The following USP25 variants were observed in gnomAD, a reference collection of about 807,000 sequenced individuals.
USP25 encodes ubiquitin carboxyl-terminal hydrolase 25.
USP25 carries 85 observed loss-of-function variants against 158.5 expected under a neutral mutation model. The observed-to-expected ratio is 0.54, with a 90% CI of 0.45 to 0.64. The LOEUF is 0.64. Ranked by LOEUF, USP25 falls within the 30% of genes least tolerant of loss-of-function variation. The probability of loss-of-function intolerance (pLI) is 0.00; values close to 1 mark genes in which losing one functional copy is unlikely to be tolerated. For synonymous variants in USP25, 464 were observed against 460.4 expected (o/e 1.01, Z -0.10); for missense variants, 1,242 against 1,327.3 (o/e 0.94, Z 1.00).
At position 15,765,998 on chromosome 21, in the gene USP25, A is replaced by G; in HGVS notation, c.125A>G (p.Asp42Gly). The G allele has an allele frequency of 6.2e-7, 1 of 1,601,218 alleles. No homozygotes were observed. The highest frequency in any genetic ancestry group is 2.2e-5 in the East Asian group (1 of 44,584). ...DTQILQQALKDSNGNLELAVA... is the reference protein window; with the variant it reads ...DTQILQQALKGSNGNLELAVA... ...ATACTCCTTTCTTGATATTTGAAGG[A>G]TAGTAATGGAAACTTGGAATTAGCA... The change falls in exon 3 of 26, where the codon GAT (aspartate) becomes GGT (glycine). Residue 42 changes from aspartate to glycine, a missense_variant and splice_region_variant. By Grantham distance (94) the Asp-to-Gly change is moderately conservative (BLOSUM62 -1). Around this residue, in one of 3 missense-constraint regions of USP25, gnomAD observed 627 missense variants for 701.4 expected, o/e 0.89. Coordinates refer to ENST00000400183, the MANE Select transcript of USP25 (RefSeq NM_001283041.3).
At chr21:15,808,468 A>G (rs1197608660) in intron 7 of USP25, among the ~76,000 whole-genome samples, 1 of 152,192 alleles carries the variant, frequency 6.6e-6, no homozygotes, top group African/African-American at 2.4e-5. Flanking sequence ...TTCATTTTAT[A>G]AAGATTCATT....
At position 15,864,460 on chromosome 21, in the gene USP25, A is replaced by G. The variant is rs754842925; in HGVS notation, c.2726+14A>G. The G allele has an allele frequency of 1.3e-6, 2 of 1,578,052 alleles. No homozygotes were observed. The highest frequency in any genetic ancestry group is 1.4e-5 in the African/African-American group (1 of 72,660). The stretch of plus-strand genomic sequence containing the variant: ...TTTTGATGAAAGGTAATTTGAAAGT[A>G]TAAAATTCATATGCTCAAATCGTTC... On this transcript the variant is annotated intron_variant, in intron 21 of 25. Transcript: ENST00000400183.
chr21:15,832,707 A>G (rs2037862179), intron 16 of USP25, among the ~76,000 whole-genome samples: 1 of 149,972 alleles, frequency 6.7e-6, no homozygotes, highest in African/African-American at 2.5e-5. Context: ...GTATTACATC[A>G]CTGTTAGAGT....
chr21:15,851,589 A>G (rs1231480945), intron 20 of USP25, among the ~76,000 whole-genome samples: 3 of 152,010 alleles, frequency 2.0e-5, no homozygotes, highest in African/African-American at 4.8e-5. Context: ...TATGTATGCT[A>G]TATGTGATTG....
Position 15,797,393 on chromosome 21 carries a change from C to T in USP25, c.556-2364C>T, listed in dbSNP as rs541112610. ...AAGTTGCAAGGTGGAAAAAGATACA[C>T]GTATAAAGGAGCAAAAACAAGACTA... On this transcript the variant is annotated intron_variant, in intron 5 of 25. Coordinates refer to ENST00000400183, the MANE Select transcript of USP25 (RefSeq NM_001283041.3). 4.6e-5 allele frequency among the ~76,000 whole-genome samples: 7 copies of T among 151,420 alleles called. No homozygotes were observed. In the East Asian group the frequency reaches 7.8e-4, roughly 17 times the overall value.
intron 3 of USP25, among the ~76,000 whole-genome samples, chr21:15,771,177 TAAAC>T (rs996419903): frequency 2.6e-5 from 4 of 152,182 alleles, no homozygotes; most frequent in African/African-American, 9.7e-5. Flanking sequence ...CAGTACACAG[TAAAC>T]AAACAGTATC....
chr21:15,741,920 C>CT (rs888744052), intron 1 of USP25, among the ~76,000 whole-genome samples: 1 of 152,144 alleles, frequency 6.6e-6, no homozygotes, highest in African/African-American at 2.4e-5. Context: ...AAATTTATCT[C>CT]TTTAACAATT....
At chr21:15,860,318 A>T (rs2039370611) in intron 20 of USP25, among the ~76,000 whole-genome samples, 1 of 151,930 alleles carries the variant, frequency 6.6e-6, no homozygotes, top group Non-Finnish European at 1.5e-5. Context: ...ATGCCTGGCT[A>T]ATTTTTCCTA....
intron 1 of USP25, among the ~76,000 whole-genome samples, chr21:15,737,148 C>G (rs1183258659): frequency 1.3e-5 from 2 of 152,028 alleles, no homozygotes; most frequent in Non-Finnish European, 2.9e-5. Flanking sequence ...TATCTTTCTT[C>G]CTGGCTTCAA....
At chr21:15,773,273 AC>A (rs1279897986) in intron 3 of USP25, 1 of 152,258 alleles carries the variant, frequency 6.6e-6, no homozygotes, top group Admixed American at 6.5e-5. Flanking sequence ...ATTCTTTTAC[AC>A]CCATGTGAGG....
intron 7 of USP25, among the ~76,000 whole-genome samples, chr21:15,807,744 A>G (rs893817143): frequency 6.6e-6 from 1 of 152,204 alleles, no homozygotes; most frequent in Non-Finnish European, 1.5e-5. Flanking sequence ...GCCCTAATCC[A>G]GGCTGATCTC....
intron 3 of USP25, among the ~76,000 whole-genome samples, chr21:15,771,484 A>G (rs1408557929): frequency 2.0e-5 from 3 of 152,122 alleles, no homozygotes; most frequent in Non-Finnish European, 4.4e-5. Context: ...TGTGCGTCCC[A>G]GACCAGGGCC....
chr21:15,839,785 A>C (rs761397326), intron 17 of USP25, among the ~76,000 whole-genome samples: 16 of 152,060 alleles, frequency 1.1e-4, no homozygotes, highest in Non-Finnish European at 1.8e-4. Flanking sequence ...CCTGTGTTTC[A>C]TCTACACCAG....
At position 15,874,304 on chromosome 21, in the gene USP25, A is replaced by G; in HGVS notation, c.2886-99A>G. ...ATTTTTTATTATAATGTAGATTATC[A>G]AAACTTAAGCATATACTTAAAATGT... On this transcript the variant is annotated intron_variant, in intron 23 of 25. Transcript: ENST00000400183. 3 of 1,134,126 alleles carry G rather than the reference A, an allele frequency of 2.6e-6. No individual in the cohort carries two copies. The South Asian group carries it at 4.7e-5, about 18-fold the overall frequency. The allele number at this position is 1,134,126 out of a possible 1,614,324, so 70.3% of individuals were successfully genotyped here.
Position 15,833,494 on chromosome 21 carries a change from G to C in USP25, c.2140G>C (p.Glu714Gln), listed in dbSNP as rs1159501361. 3 of 1,614,020 alleles carry C rather than the reference G, an allele frequency of 1.9e-6. No homozygotes were observed. The highest frequency in any genetic ancestry group is 1.7e-6 in the Non-Finnish European group (2 of 1,179,964). The change falls in exon 17 of 26, where the codon GAA becomes CAA. Residue 714 changes from glutamate to glutamine, a missense_variant. Glu to Gln is a conservative substitution (Grantham distance 29, BLOSUM62 2). Transcript: ENST00000400183. ...ACAACTTGCCCAGAAAGCTTTGCAG[G>C]AAAAGCTTTTAGCGTCTCAGAAATT... is the stretch of plus-strand genomic sequence containing the variant. ...DAQLAQKALQ[E>Q]KLLASQKLRE...
At chr21:15,874,875 A>G (rs1054070089) in intron 24 of USP25, among the ~76,000 whole-genome samples, 1 of 152,208 alleles carries the variant, frequency 6.6e-6, no homozygotes, top group Admixed American at 6.5e-5. Context: ...GTAAGTCTAT[A>G]AGAATATGCA....
intron 11 of USP25, 27 bp downstream of exon 11, chr21:15,824,193 A>G (rs183198743): frequency 6.2e-7 from 1 of 1,604,492 alleles, no homozygotes; most frequent in Non-Finnish European, 8.5e-7. Context: ...TGCATGACTT[A>G]GTTTGAAACA....
chr21:15,751,225 TG>T (rs2032991457), intron 1 of USP25, among the ~76,000 whole-genome samples: 1 of 152,166 alleles, frequency 6.6e-6, no homozygotes, highest in Admixed American at 6.5e-5. Context: ...TTTATAGAAG[TG>T]CTGTAGCTTG....
chr21:15,781,625 G>A (rs572721822), intron 4 of USP25, among the ~76,000 whole-genome samples: 6 of 152,250 alleles, frequency 3.9e-5, no homozygotes, highest in South Asian at 4.2e-4. Flanking sequence ...GGAGCATAGA[G>A]TCAAGAATAG....
Sources: gnomAD v4.1 joint callset for allele counts (sites outside exome capture counted in the v4.1 genomes callset) on GRCh38, gnomAD v4.1.1 for gene constraint, gnomAD v4.1.1 regional missense constraint, MANE v1.5 for transcripts, NCBI Gene and HGNC (gene_info 2026-07-23, HGNC 2026-07-21) for gene names.